CCDC40: variants seen among roughly 807,000 people sequenced by gnomAD.
CCDC40 encodes the protein coiled-coil domain 40 molecular ruler complex subunit, also known as coiled-coil domain-containing protein 40.
CCDC40 carries 104 observed loss-of-function variants against 124.5 expected under a neutral mutation model. The ratio of observed to expected loss-of-function variants is 0.84; its 90% CI spans 0.71 to 0.98. The LOEUF is 0.98. Ranked by LOEUF, CCDC40 falls within the 50% of genes least tolerant of loss-of-function variation. The probability of loss-of-function intolerance (pLI) is 0.00; values close to 1 mark genes in which losing one functional copy is unlikely to be tolerated. For missense variants in CCDC40, 1,463 were observed against 1,503.9 expected (o/e 0.97, Z 0.45); for synonymous variants, 580 against 602.9 (o/e 0.96, Z 0.56).
chr17:80,091,358 G>GAA (rs1567814782), intron 17 of CCDC40, among the ~76,000 whole-genome samples: 22 of 150,522 alleles, frequency 1.5e-4, no homozygotes, highest in Non-Finnish European at 3.1e-4. Context: ...GAGAGAGAGA[G>GAA]AAAGAAAGAG....
At chr17:80,048,889 C>T in intron 5 of CCDC40, 128 bp downstream of exon 5, 1 of 871,216 alleles carries the variant, frequency 1.1e-6, no homozygotes, top group Non-Finnish European at 1.9e-6. Context: ...CTGTTCACTG[C>T]ACCGTTTATT....
chr17:80,072,634 T>C (rs1199716054), intron 10 of CCDC40, among the ~76,000 whole-genome samples: 1 of 152,210 alleles, frequency 6.6e-6, no homozygotes, highest in Non-Finnish European at 1.5e-5. Context: ...TCTGTGCCTA[T>C]AGCTCTGCCA....
chr17:80,082,655 T>A (rs1000288694), intron 12 of CCDC40, among the ~76,000 whole-genome samples: 2 of 151,986 alleles, frequency 1.3e-5, no homozygotes, highest in African/African-American at 4.8e-5. Context: ...GGTTTTGCCC[T>A]CCTGAGGGGT....
At chr17:80,096,641 C>T (rs560081891) in intron 18 of CCDC40, among the ~76,000 whole-genome samples, 6 of 152,132 alleles carry the variant, frequency 3.9e-5, no homozygotes, top group African/African-American at 1.2e-4. Context: ...GCGCCCCACA[C>T]GACGCCATCA....
chr17:80,058,973 T>G lies in CCDC40; in HGVS notation c.1433T>G (p.Val478Gly), dbSNP rs769496805. 1 of 1,614,082 alleles carries G rather than the reference T, an allele frequency of 6.2e-7. No individual in the cohort carries two copies. The highest frequency in any genetic ancestry group is 2.2e-5 in the East Asian group (1 of 44,868). ...AEDTRILRKA[V>G]SEACTEIDAI... ...GACACCCGGATTTTAAGGAAAGCAGTGAGTGAGGTAAAAGCAGTCCCCGCA... is the reference window on the plus strand; with the variant it reads ...GACACCCGGATTTTAAGGAAAGCAGGGAGTGAGGTAAAAGCAGTCCCCGCA... Residue 478 changes from valine (V) to glycine (G), a missense_variant, in exon 9 of 20, where the codon GTG (valine) becomes GGG (glycine). Val to Gly is a moderately radical substitution (Grantham distance 109, BLOSUM62 -3). Coordinates refer to ENST00000397545, the MANE Select transcript of CCDC40 (RefSeq NM_017950.4). This position sits in a 1 kb window ranked among gnomAD's most constrained non-coding sequence, Gnocchi z 4.2.
chr17:80,063,706 G>A (rs535831876), intron 9 of CCDC40, among the ~76,000 whole-genome samples: 1 of 152,276 alleles, frequency 6.6e-6, no homozygotes, highest in Admixed American at 6.5e-5. Flanking sequence ...CACCCCCATG[G>A]CCAGGCTGGT....
intron 3 of CCDC40, among the ~76,000 whole-genome samples, chr17:80,041,398 C>T (rs552402718): frequency 6.6e-6 from 1 of 152,094 alleles, no homozygotes; most frequent in Admixed American, 6.5e-5. Flanking sequence ...ATCCCAGCTA[C>T]TCGGGAGGCT....
At chr17:80,059,558 A>G (rs112872991) in intron 9 of CCDC40, among the ~76,000 whole-genome samples, 14,490 of 138,064 alleles carry the variant, frequency 0.1, 737 homozygotes, top group Middle Eastern at 0.14. Context: ...CGGAGGAAAC[A>G]ATTAACTTTT....
chr17:80,042,862 GT>G (rs11308447), intron 3 of CCDC40, among the ~76,000 whole-genome samples: 144,237 of 146,996 alleles, frequency 0.98, 70,771 homozygotes, highest in African/African-American at 0.99. Context: ...TTGTTGGGTT[GT>G]TTTTTTTTTT....
At chr17:80,051,572 T>C (rs1438571218) in intron 7 of CCDC40, among the ~76,000 whole-genome samples, 1 of 128,480 alleles carries the variant, frequency 7.8e-6, no homozygotes, top group African/African-American at 3.2e-5. Flanking sequence ...GAGCTTGCAG[T>C]GAGCCGAGAT....
chr17:80,039,752 A>T, intron 2 of CCDC40, 60 bp from the exon 3 acceptor site: 2 of 1,581,852 alleles, frequency 1.3e-6, no homozygotes, highest in Non-Finnish European at 1.7e-6. Context: ...ATAAAGAATA[A>T]AACCTCACAA....
intron 7 of CCDC40, among the ~76,000 whole-genome samples, chr17:80,056,465 C>CA (rs2143640690): frequency 6.6e-6 from 1 of 151,548 alleles, no homozygotes; most frequent in East Asian, 2.0e-4. Flanking sequence ...ACAAAAAATA[C>CA]AAAAATGAGA....
In CCDC40 at chr17:80,081,961, C is replaced by A; in HGVS notation, c.1892C>A (p.Ala631Asp). The A allele has an allele frequency of 6.2e-7, 1 of 1,613,760 alleles. No individual in the cohort carries two copies. Among genetic ancestry groups the A allele is most frequent in the Non-Finnish European group, 8.5e-7 (1 of 1,179,836 alleles). Reference sequence around the variant, plus strand: ...GAGCTCAGGAGGAAGACGGATGCTGCCATCCGGGAGAAGCTGCAGGAGCAC... The same window carrying A: ...GAGCTCAGGAGGAAGACGGATGCTGACATCCGGGAGAAGCTGCAGGAGCAC... ...ELELRRKTDAAIREKLQEHMT... is the reference protein window; with the variant it reads ...ELELRRKTDADIREKLQEHMT... Residue 631 changes from alanine to aspartate, a missense_variant, in exon 12 of 20, where the codon GCC becomes GAC. Transcript: ENST00000397545.
chr17:80,054,464 G>A (rs570080330), intron 7 of CCDC40, among the ~76,000 whole-genome samples: 5 of 152,226 alleles, frequency 3.3e-5, no homozygotes, highest in East Asian at 3.9e-4. Context: ...GGAAGATTCC[G>A]GAAACTCCCC....
At chr17:80,097,620 G>C (rs999982589) in intron 19 of CCDC40, 7 of 590,816 alleles carry the variant, frequency 1.2e-5, no homozygotes, top group Non-Finnish European at 1.8e-5. Context: ...GTTATGGGCT[G>C]GGCTCATGTT....
At position 80,058,527 on chromosome 17, in the gene CCDC40, C is replaced by T; in HGVS notation, c.1193C>T (p.Ala398Val). 1 of 1,614,050 alleles carries T rather than the reference C, an allele frequency of 6.2e-7. No homozygotes were observed. The highest frequency in any genetic ancestry group is 8.5e-7 in the Non-Finnish European group (1 of 1,179,914). ...CTGCAGACTGAGATGGAGAACTTGG[C>T]CCTGCATCTCTTCTACATGCAGAAC... ...AALQTEMENL[A>V]LHLFYMQNID... The change falls in exon 8 of 20, where the codon GCC becomes GTC. Residue 398 changes from alanine (A) to valine (V), a missense_variant. Transcript: ENST00000397545. The surrounding 1 kb of genome is among the most constrained non-coding windows in gnomAD (Gnocchi z 4.2).
intron 3 of CCDC40, among the ~76,000 whole-genome samples, chr17:80,043,811 G>T (rs980663237): frequency 6.6e-6 from 1 of 151,886 alleles, no homozygotes. Flanking sequence ...GAGCCACCAC[G>T]CCCGGCCTCC....
Position 80,087,969 on chromosome 17 carries a change from C to T in CCDC40, c.2620-42C>T. On this transcript the variant is annotated intron_variant, in intron 15 of 19. Transcript: ENST00000397545. This position sits in a 1 kb window ranked among gnomAD's most constrained non-coding sequence, Gnocchi z 4.5. The stretch of plus-strand genomic sequence containing the variant: ...GCACCAGCCCCGGCATCCACAATCC[C>T]ATGGCCCTCCCCACAGCTGTCCCGC... 2 of 1,484,190 alleles carry T rather than the reference C, an allele frequency of 1.3e-6. No individual in the cohort carries two copies. The highest frequency in any genetic ancestry group is 1.9e-6 in the Non-Finnish European group (2 of 1,061,826). The allele number at this position is 1,484,190 out of a possible 1,614,324, so 91.9% of individuals were successfully genotyped here.
intron 19 of CCDC40, among the ~76,000 whole-genome samples, chr17:80,099,141 A>T (rs1310211009): frequency 2.0e-5 from 3 of 151,300 alleles, no homozygotes; most frequent in Non-Finnish European, 4.4e-5. Flanking sequence ...AATACAAAAA[A>T]TTAGCCGGGC....
Sources: allele counts gnomAD v4.1 joint callset (sites outside exome capture counted in the v4.1 genomes callset), GRCh38; gene constraint gnomAD v4.1.1; non-coding constraint Gnocchi (gnomAD v3.1); transcripts MANE v1.5; gene names NCBI Gene and HGNC (gene_info 2026-07-23, HGNC 2026-07-21).